Variants in SREBF2 observed in about 807,000 individuals in gnomAD.
SREBF2 encodes sterol regulatory element binding transcription factor 2.
Under a neutral mutation model 113.1 loss-of-function variants are expected in SREBF2, and 55 were observed. The observed-to-expected ratio is 0.49, with a 90% CI of 0.39 to 0.61. The LOEUF (loss-of-function observed/expected upper bound fraction) is 0.61. Ranked by LOEUF, SREBF2 falls within the 20% of genes least tolerant of loss-of-function variation. The probability of loss-of-function intolerance (pLI) is 0.00; values close to 1 mark genes in which losing one functional copy is unlikely to be tolerated. For missense variants in SREBF2, 1,349 were observed against 1,487.4 expected (o/e 0.91, Z 1.53); for synonymous variants, 593 against 605.7 (o/e 0.98, Z 0.31).
At chr22:41,894,599 C>T (rs1195043271) in intron 12 of SREBF2, among the ~76,000 whole-genome samples, 1 of 152,168 alleles carries the variant, frequency 6.6e-6, no homozygotes, top group Non-Finnish European at 1.5e-5. Context: ...ACCCCCTCCC[C>T]ACCGGAGCTC....
chr22:41,866,722 G>T (rs1312286501), intron 1 of SREBF2, 109 bp from the exon 2 acceptor site: 5 of 1,314,968 alleles, frequency 3.8e-6, no homozygotes, highest in Non-Finnish European at 5.5e-6. Flanking sequence ...ACCCATTTCT[G>T]CCATGGTCTT....
At position 41,905,975 on chromosome 22, in the gene SREBF2, C is replaced by T. The variant is rs1027483597; in HGVS notation, c.*315C>T. On this transcript the variant is annotated 3_prime_UTR_variant, in exon 19 of 19. Transcript: ENST00000361204. ...CTCCAGCCTTCCTGAGTTTCTCTCT[C>T]CTGAACCCTACTCTCTCCTTTTTGC... is the stretch of plus-strand genomic sequence containing the variant. The T allele has an allele frequency of 1.7e-6, 1 of 589,992 alleles. No homozygotes were observed. The highest frequency in any genetic ancestry group is 1.8e-5 in the African/African-American group (1 of 54,768). The allele number at this position is 589,992 out of a possible 1,614,324, so 36.5% of individuals were successfully genotyped here.
At chr22:41,867,485 C>T (rs1024216908) in intron 2 of SREBF2, among the ~76,000 whole-genome samples, 3 of 152,278 alleles carry the variant, frequency 2.0e-5, no homozygotes, top group South Asian at 4.1e-4. Flanking sequence ...ATATCTATTG[C>T]GCCTAATTCA....
rs568275502 is a variant in SREBF2 at position 41,906,281 on chromosome 22, T to TGGTGGGAGGCA, written c.*624_*634dup. ...GGAGGGGGGCCCAGCCCTGGGAGGC[T>TGGTGGGAGGCA]GGTGGGAGGCAGGGGGCAGGCCTGC... On this transcript the variant is annotated 3_prime_UTR_variant, in exon 19 of 19. Transcript: ENST00000361204. 0.019 allele frequency: 4,588 copies of TGGTGGGAGGCA among 245,116 alleles called. 209 individuals carry two copies. The highest frequency in any genetic ancestry group is 0.099 in the African/African-American group (4,301 of 43,642). 15.2% of individuals were successfully genotyped at this position (245,116 alleles called of 1,614,324 possible). A position where few individuals can be genotyped will look rare whatever the true frequency, so the allele number is the denominator to read the frequency against.
chr22:41,840,031 C>T (rs2076814292), intron 1 of SREBF2, among the ~76,000 whole-genome samples: 1 of 147,376 alleles, frequency 6.8e-6, no homozygotes, highest in African/African-American at 2.6e-5. Context: ...GCGGTCTCAG[C>T]TCACTGCAGC....
chr22:41,900,061 G>A (rs2077452008), intron 15 of SREBF2: 2 of 1,383,586 alleles, frequency 1.4e-6, no homozygotes, highest in East Asian at 5.8e-5. Flanking sequence ...TATCTTGGGT[G>A]GCTTCTTAGC....
At chr22:41,862,941 A>G (rs541850326) in intron 1 of SREBF2, among the ~76,000 whole-genome samples, 1 of 151,836 alleles carries the variant, frequency 6.6e-6, no homozygotes, top group Non-Finnish European at 1.5e-5. Context: ...CTGCCTACAC[A>G]CTCTTACGCT....
rs771972146 is a variant in SREBF2 at position 41,898,655 on chromosome 22, ACAT to A, written c.2617_2619del (p.Ile873del). The stretch of plus-strand genomic sequence containing the variant: ...TGGTGCTGTTCTCCTCTAGGTCCAG[ACAT>A]CATCTGTCGGTGGTGGACGTCTGCA... On this transcript the variant is annotated inframe_deletion, in exon 15 of 19. Transcript: ENST00000361204. 3.7e-6 allele frequency: 6 copies of A among 1,613,310 alleles called. No individual in the cohort carries two copies. The East Asian group carries it at 6.7e-5, about 18-fold the overall frequency.
intron 16 of SREBF2, 120 bp downstream of exon 16, chr22:41,900,618 C>A: frequency 9.6e-7 from 1 of 1,038,340 alleles, no homozygotes; most frequent in Non-Finnish European, 1.4e-6. Context: ...GAAACCAGGA[C>A]AGCAGCCCCC....
At chr22:41,878,920 A>G (rs942853129) in intron 9 of SREBF2, among the ~76,000 whole-genome samples, 4 of 152,222 alleles carry the variant, frequency 2.6e-5, no homozygotes, top group African/African-American at 9.6e-5. Context: ...CCCAAGATGT[A>G]TATCCTAGAG....
At chr22:41,885,160 A>C in intron 11 of SREBF2, 149 bp downstream of exon 11, 2 of 1,006,296 alleles carry the variant, frequency 2.0e-6, no homozygotes, top group Non-Finnish European at 3.0e-6. Flanking sequence ...CGCTCATTTC[A>C]CCAGGACTCC....
chr22:41,858,777 T>A (rs1408756317), intron 1 of SREBF2, among the ~76,000 whole-genome samples: 1 of 150,636 alleles, frequency 6.6e-6, no homozygotes, highest in Non-Finnish European at 1.5e-5. Context: ...TACTGTGAAA[T>A]GGAGGGTTAA....
chr22:41,878,857 G>T, intron 9 of SREBF2: 1 of 717,066 alleles, frequency 1.4e-6, no homozygotes. Flanking sequence ...CTGGGGCTAT[G>T]GGTCTCAGAA....
At chr22:41,894,327 G>A (rs577749935) in intron 12 of SREBF2, among the ~76,000 whole-genome samples, 3 of 152,286 alleles carry the variant, frequency 2.0e-5, no homozygotes, top group South Asian at 2.1e-4. Context: ...GCAAGGCCCC[G>A]TGTCTAGCCA....
In SREBF2 at chr22:41,905,897, G is replaced by A. The variant is rs1410335988; in HGVS notation, c.*237G>A. On this transcript the variant is annotated 3_prime_UTR_variant, in exon 19 of 19. Transcript: ENST00000361204. Reference sequence around the variant, plus strand: ...GGATAGGTGGCAGGGCAGAAACTGGGCAGCCCTGACTTGATAGCAGCAGGG... The same window carrying A: ...GGATAGGTGGCAGGGCAGAAACTGGACAGCCCTGACTTGATAGCAGCAGGG... The A allele has an allele frequency of 2.9e-6, 2 of 685,844 alleles. No homozygotes were observed. Among genetic ancestry groups the A allele is most frequent in the Admixed American group, 4.1e-5 (2 of 49,236 alleles). 42.5% of individuals were successfully genotyped at this position (685,844 alleles called of 1,614,324 possible).
At chr22:41,870,628 CAAAAA>C (rs133289) in intron 3 of SREBF2, among the ~76,000 whole-genome samples, 1 of 56,152 alleles carries the variant, frequency 1.8e-5, no homozygotes, top group Non-Finnish European at 3.3e-5. Context: ...CCTGTCTCAG[CAAAAA>C]AAAAAAAAAA....
chr22:41,851,982 A>T (rs539171673), intron 1 of SREBF2, among the ~76,000 whole-genome samples: 1 of 152,008 alleles, frequency 6.6e-6, no homozygotes, highest in Non-Finnish European at 1.5e-5. Context: ...TTAGCCGGGC[A>T]TGGTAGCGGA....
intron 1 of SREBF2, among the ~76,000 whole-genome samples, chr22:41,851,499 G>GT (rs199550922): frequency 0.12 from 17,263 of 149,146 alleles, 1,225 homozygotes; most frequent in South Asian, 0.18. Flanking sequence ...TTGTTTGTTT[G>GT]TTTGTTTTTT....
At position 41,833,397 on chromosome 22, in the gene SREBF2, G is replaced by A; in HGVS notation, c.88+39G>A. On this transcript the variant is annotated intron_variant, in intron 1 of 18. Coordinates refer to ENST00000361204, the MANE Select transcript of SREBF2 (RefSeq NM_004599.4). The surrounding 1 kb of genome is among the most constrained non-coding windows in gnomAD (Gnocchi z 4.1). Reference sequence around the variant, plus strand: ...GGGTGGGAGTGCGGGGGCCGCGCGGGGAGGAAGGGGTTACGGCGGCGCGCC... The same window carrying A: ...GGGTGGGAGTGCGGGGGCCGCGCGGAGAGGAAGGGGTTACGGCGGCGCGCC... The A allele has an allele frequency of 2.7e-6, 4 of 1,503,534 alleles. No homozygotes were observed. The highest frequency in any genetic ancestry group is 3.6e-6 in the Non-Finnish European group (4 of 1,116,580). The allele number at this position is 1,503,534 out of a possible 1,614,324, so 93.1% of individuals were successfully genotyped here.
Sources: gnomAD v4.1 joint callset for allele counts (sites outside exome capture counted in the v4.1 genomes callset) on GRCh38, gnomAD v4.1.1 for gene constraint, Gnocchi (gnomAD v3.1) non-coding constraint, MANE v1.5 for transcripts, NCBI Gene and HGNC (gene_info 2026-07-23, HGNC 2026-07-21) for gene names.